DLGAP2: variants seen among roughly 807,000 people sequenced by gnomAD.
DLGAP2 encodes DLG associated protein 2, also known as disks large-associated protein 2.
A neutral mutation model predicts 100.3 loss-of-function variants in DLGAP2; 26 were observed. That is an observed-to-expected ratio of 0.26 (90% CI 0.19 to 0.36). The LOEUF (loss-of-function observed/expected upper bound fraction) is 0.36. Among genes scored for constraint, DLGAP2 ranks in the 10% least tolerant of loss-of-function variants. The pLI, the probability that DLGAP2 is intolerant of heterozygous loss-of-function variation, is 1.00. For synonymous variants in DLGAP2, 886 were observed against 630.1 expected (o/e 1.41, Z -6.08); for missense variants, 1,858 against 1,453.2 (o/e 1.28, Z -4.53).
chr8:912,743 C>G (rs1002211106), intron 2 of DLGAP2, among the ~76,000 whole-genome samples: 1 of 149,616 alleles, frequency 6.7e-6, no homozygotes, highest in African/African-American at 2.5e-5. Flanking sequence ...CTATGGTGCC[C>G]ACGTTCCTCT....
chr8:1,570,799 A>G (rs1802627518), intron 6 of DLGAP2, among the ~76,000 whole-genome samples: 2 of 118,422 alleles, frequency 1.7e-5, no homozygotes, highest in Non-Finnish European at 3.4e-5. Context: ...GAGAGGAGAG[A>G]GGGTGAACTG....
chr8:789,319 G>A (rs1300382350), intron 1 of DLGAP2, among the ~76,000 whole-genome samples: 4 of 152,232 alleles, frequency 2.6e-5, no homozygotes, highest in Admixed American at 2.6e-4. Flanking sequence ...AAGGCGAAGG[G>A]GAAGTAGGCA....
chr8:789,745 A>G (rs1394992081), intron 1 of DLGAP2, among the ~76,000 whole-genome samples: 1 of 152,210 alleles, frequency 6.6e-6, no homozygotes, highest in Non-Finnish European at 1.5e-5. Context: ...CCCAAAGTTA[A>G]ATCAAACACA....
intron 3 of DLGAP2, among the ~76,000 whole-genome samples, chr8:1,318,787 C>A (rs1366789943): frequency 7.5e-6 from 1 of 133,304 alleles, no homozygotes. Context: ...AGCCCCCCCC[C>A]CGCCCCCTCG....
At chr8:1,525,787 T>A (rs1293428909) in intron 4 of DLGAP2, among the ~76,000 whole-genome samples, 1 of 152,196 alleles carries the variant, frequency 6.6e-6, no homozygotes, top group Non-Finnish European at 1.5e-5. Context: ...CTTGGCCTCA[T>A]CTCTTGTGTG....
At chr8:1,225,186 C>CA (rs1798389705) in intron 2 of DLGAP2, among the ~76,000 whole-genome samples, 1 of 152,198 alleles carries the variant, frequency 6.6e-6, no homozygotes, top group African/African-American at 2.4e-5. Context: ...CCTGGATGTC[C>CA]ACAGGGGTGG....
At chr8:1,213,522 T>G (rs17065820) in intron 2 of DLGAP2, among the ~76,000 whole-genome samples, 6,755 of 152,208 alleles carry the variant, frequency 0.044, 205 homozygotes, top group Middle Eastern at 0.085. Context: ...ATATCACCCG[T>G]GTTTTAGTGA....
At chr8:948,021 C>T (rs78704041) in intron 2 of DLGAP2, among the ~76,000 whole-genome samples, 153 of 100,800 alleles carry the variant, frequency 1.5e-3, no homozygotes, top group South Asian at 2.3e-3. Context: ...CTCCCCCGAC[C>T]CCGTGCCAGC....
intron 3 of DLGAP2, among the ~76,000 whole-genome samples, chr8:1,286,286 C>T (rs902516290): frequency 1.3e-5 from 2 of 152,212 alleles, no homozygotes; most frequent in Non-Finnish European, 2.9e-5. Flanking sequence ...CTCAGCCATG[C>T]AGCTCTTTGA....
chr8:1,285,053 T>C (rs978862121), intron 3 of DLGAP2, among the ~76,000 whole-genome samples: 7 of 152,230 alleles, frequency 4.6e-5, no homozygotes, highest in African/African-American at 1.7e-4. Flanking sequence ...TTTAGCACTA[T>C]CATGCCCATG....
chr8:761,313 C>T (rs1452230317), intron 1 of DLGAP2, among the ~76,000 whole-genome samples: 1 of 152,210 alleles, frequency 6.6e-6, no homozygotes, highest in Admixed American at 6.5e-5. Context: ...TTTACTGTCA[C>T]TCACTGGGGG....
At chr8:1,617,832 A>G (rs1797207223) in intron 6 of DLGAP2, among the ~76,000 whole-genome samples, 1 of 152,250 alleles carries the variant, frequency 6.6e-6, no homozygotes, top group Admixed American at 6.5e-5. Flanking sequence ...ATATTTGATT[A>G]ACCCAAAAGA....
chr8:815,848 C>T (rs1796466449), intron 1 of DLGAP2, among the ~76,000 whole-genome samples: 1 of 152,196 alleles, frequency 6.6e-6, no homozygotes, highest in Non-Finnish European at 1.5e-5. Flanking sequence ...CATTTTATCT[C>T]ATTTCTTAGA....
chr8:757,828 G>A lies in DLGAP2; in HGVS notation c.18+20003G>A, dbSNP rs115536893. ...GAAAGTCACTGTGTAATCAAAGACTGAGTCTCCTCTCGTGTATTTTAAACA... is the reference window on the plus strand; with the variant it reads ...GAAAGTCACTGTGTAATCAAAGACTAAGTCTCCTCTCGTGTATTTTAAACA... On this transcript the variant is annotated intron_variant, in intron 1 of 14. Transcript: ENST00000637795. Among the ~76,000 whole-genome samples the A allele has an allele frequency of 4.3e-3, 661 of 152,330 alleles. 4 individuals carry two copies. Among genetic ancestry groups the A allele is most frequent in the African/African-American group, 0.014 (599 of 41,564 alleles).
At chr8:1,657,786 A>G (rs60178863) in intron 8 of DLGAP2, among the ~76,000 whole-genome samples, 7,413 of 152,318 alleles carry the variant, frequency 0.049, 588 homozygotes, top group African/African-American at 0.17. Context: ...GATAATTTTT[A>G]AAATATAGAA....
chr8:926,290 T>TG (rs764152716), intron 2 of DLGAP2, among the ~76,000 whole-genome samples: 6 of 152,180 alleles, frequency 3.9e-5, no homozygotes, highest in Non-Finnish European at 8.8e-5. Flanking sequence ...CTAAGCCTGC[T>TG]GGCCCTGCTT....
chr8:1,190,404 TC>T (rs1291577841), intron 2 of DLGAP2, among the ~76,000 whole-genome samples: 1 of 37,394 alleles, frequency 2.7e-5, no homozygotes, highest in East Asian at 4.5e-4. Flanking sequence ...GGTCGGGGCA[TC>T]TGCTGTTGGG....
chr8:1,168,708 G>T (rs1357966778), intron 2 of DLGAP2, among the ~76,000 whole-genome samples: 5 of 144,690 alleles, frequency 3.5e-5, no homozygotes, highest in East Asian at 1.9e-4. Context: ...CATGTCCTTT[G>T]CCCACTTTTT....
chr8:875,467 A>T lies in DLGAP2; in HGVS notation c.19-32445A>T, dbSNP rs560619994. ...TAGTAAGTTCTCATGAGATCTGGTGATTTCATAAGGGGCTTCCCCTTTCCC... is the reference window on the plus strand; with the variant it reads ...TAGTAAGTTCTCATGAGATCTGGTGTTTTCATAAGGGGCTTCCCCTTTCCC... On this transcript the variant is annotated intron_variant, in intron 1 of 14. Coordinates refer to ENST00000637795, the MANE Select transcript of DLGAP2 (RefSeq NM_001346810.2). 8.5e-5 allele frequency among the ~76,000 whole-genome samples: 13 copies of T among 152,208 alleles called. No homozygotes were observed. In the East Asian group the frequency reaches 2.5e-3, roughly 29 times the overall value.
Sources: allele counts gnomAD v4.1 joint callset (sites outside exome capture counted in the v4.1 genomes callset), GRCh38; gene constraint gnomAD v4.1.1; transcripts MANE v1.5; gene names NCBI Gene and HGNC (gene_info 2026-07-23, HGNC 2026-07-21).